MMADHC: variants seen among roughly 807,000 people sequenced by gnomAD.
MMADHC encodes cobalamin trafficking protein CblD.
A neutral mutation model predicts 36.3 loss-of-function variants in MMADHC; 23 were observed. That is an observed-to-expected ratio of 0.63 (90% CI 0.46 to 0.90). The LOEUF (loss-of-function observed/expected upper bound fraction) is 0.90. MMADHC is among the 40% of genes least tolerant of loss of function. MMADHC has a pLI of 0.00. For missense variants in MMADHC, 330 were observed against 348.0 expected (o/e 0.95, Z 0.41); for synonymous variants, 97 against 116.1 (o/e 0.84, Z 1.06).
intron 1 of MMADHC, 168 bp downstream of exon 1, chr2:149,587,496 C>A: frequency 3.6e-6 from 1 of 279,064 alleles, no homozygotes; most frequent in Non-Finnish European, 6.9e-6. Context: ...CCAAGCAAAG[C>A]TTCAGGCTGA....
intron 4 of MMADHC, among the ~76,000 whole-genome samples, chr2:149,577,731 C>T (rs1363429944): frequency 1.3e-5 from 2 of 152,028 alleles, no homozygotes; most frequent in African/African-American, 4.8e-5. Context: ...TATAAAGAAA[C>T]AGGAGTGGTC....
At chr2:149,577,406 T>C (rs544366065) in intron 4 of MMADHC, among the ~76,000 whole-genome samples, 4 of 152,116 alleles carry the variant, frequency 2.6e-5, no homozygotes, top group African/African-American at 4.8e-5. Context: ...GCAGAGGGAA[T>C]AGGAAGTAGT....
chr2:149,570,406 T>C (rs1682621926), intron 7 of MMADHC, among the ~76,000 whole-genome samples: 1 of 152,202 alleles, frequency 6.6e-6, no homozygotes, highest in Non-Finnish European at 1.5e-5. Context: ...ATGCATAATA[T>C]TGCATCCTTT....
chr2:149,570,196 A>C, intron 7 of MMADHC, 28 bp from the exon 8 acceptor site: 2 of 1,557,494 alleles, frequency 1.3e-6, no homozygotes, highest in Non-Finnish European at 1.8e-6. Context: ...AAATATTCTC[A>C]TTAGTAAGAA....
intron 4 of MMADHC, among the ~76,000 whole-genome samples, 169 bp downstream of exon 4, chr2:149,579,262 G>A (rs1351156487): frequency 6.6e-6 from 1 of 151,988 alleles, no homozygotes; most frequent in Non-Finnish European, 1.5e-5. Context: ...CAAACACTTT[G>A]TAGAGGACAA....
At chr2:149,581,582 C>A (rs945356046) in intron 3 of MMADHC, among the ~76,000 whole-genome samples, 1 of 152,138 alleles carries the variant, frequency 6.6e-6, no homozygotes, top group Non-Finnish European at 1.5e-5. Flanking sequence ...CCCCTACCCC[C>A]ACTTTTTCTT....
At chr2:149,572,759 A>G (rs1245685300) in intron 6 of MMADHC, among the ~76,000 whole-genome samples, 1 of 152,112 alleles carries the variant, frequency 6.6e-6, no homozygotes, top group Non-Finnish European at 1.5e-5. Context: ...TGCACTCATG[A>G]GGCAAGATTC....
chr2:149,587,356 T>C (rs1159764107), intron 1 of MMADHC: 1 of 563,008 alleles, frequency 1.8e-6, no homozygotes, highest in Non-Finnish European at 3.2e-6. Flanking sequence ...TCAGAGCCCT[T>C]CCGGTTTACA....
At chr2:149,571,576 C>G (rs1042125357) in intron 6 of MMADHC, among the ~76,000 whole-genome samples, 1 of 151,816 alleles carries the variant, frequency 6.6e-6, no homozygotes, top group Non-Finnish European at 1.5e-5. Flanking sequence ...GTCAGGAGAT[C>G]GAGACTATAC....
intron 2 of MMADHC, among the ~76,000 whole-genome samples, chr2:149,586,123 A>G (rs554745497): frequency 6.6e-6 from 1 of 152,304 alleles, no homozygotes; most frequent in Admixed American, 6.5e-5. Context: ...TTAATATACC[A>G]TGTTCAATTA....
chr2:149,585,993 A>G (rs1322395848), intron 2 of MMADHC, among the ~76,000 whole-genome samples: 2 of 152,186 alleles, frequency 1.3e-5, no homozygotes. Context: ...AAAGTACCAC[A>G]TACTTCTTTT....
chr2:149,574,342 T>C (rs1007742470), intron 6 of MMADHC, among the ~76,000 whole-genome samples: 2 of 152,224 alleles, frequency 1.3e-5, no homozygotes, highest in Admixed American at 1.3e-4. Context: ...ACTAATATGC[T>C]TGTGATTGTT....
chr2:149,582,233 TG>T lies in MMADHC; in HGVS notation c.47del (p.Pro16GlnfsTer6). On this transcript the variant is annotated frameshift_variant, in exon 3 of 8. Coordinates refer to ENST00000303319, the MANE Select transcript of MMADHC (RefSeq NM_015702.3). LOFTEE classifies it high-confidence loss of function. Reference sequence around the variant, plus strand: ...CCCTTTTAACTAAAGAGCAAAATCCTGGGAGATAGGAAACCAGTCTGGCTCT... The same window carrying T: ...CCCTTTTAACTAAAGAGCAAAATCCTGGAGATAGGAAACCAGTCTGGCTCT... ...CNRARLVSYL[P>X]GFCSLVKRVV... 1 of 1,613,864 alleles carries T rather than the reference TG, an allele frequency of 6.2e-7. No individual in the cohort carries two copies.
chr2:149,576,649 A>G, intron 4 of MMADHC, 107 bp from the exon 5 acceptor site: 1 of 770,308 alleles, frequency 1.3e-6, no homozygotes, highest in Non-Finnish European at 2.3e-6. Context: ...TTGTTTTTAC[A>G]AAAAATTATA....
chr2:149,581,304 T>C (rs1400766366), intron 3 of MMADHC, among the ~76,000 whole-genome samples: 1 of 152,186 alleles, frequency 6.6e-6, no homozygotes, highest in Non-Finnish European at 1.5e-5. Flanking sequence ...TTATTATAAA[T>C]ATATGGTTAG....
Position 149,575,720 on chromosome 2 carries a change from G to A in MMADHC, c.600C>T (p.Leu200=), listed in dbSNP as rs754142876. The change falls in exon 6 of 8, where the codon CTC becomes CTT. Residue 200 remains leucine, a synonymous_variant. Transcript: ENST00000303319. Reference sequence around the variant, plus strand: ...CAATTGAAAGAATTACCTTTTCTAAGAGCACTTCTCTTTCAATTTCTACTT... The same window carrying A: ...CAATTGAAAGAATTACCTTTTCTAAAAGCACTTCTCTTTCAATTTCTACTT... ...SEEVEIEREV[L]LEKFINGAKE... 1.1e-4 allele frequency: 169 copies of A among 1,598,328 alleles called. No individual in the cohort carries two copies. Among genetic ancestry groups the A allele is most frequent in the Non-Finnish European group, 1.3e-4 (155 of 1,172,056 alleles).
intron 4 of MMADHC, among the ~76,000 whole-genome samples, chr2:149,577,306 A>C (rs1682731644): frequency 6.6e-6 from 1 of 152,204 alleles, no homozygotes; most frequent in Non-Finnish European, 1.5e-5. Context: ...TTAGGAATTC[A>C]GGAGGAAAAA....
chr2:149,580,555 G>C (rs1682780194), intron 3 of MMADHC, among the ~76,000 whole-genome samples: 1 of 152,162 alleles, frequency 6.6e-6, no homozygotes, highest in Non-Finnish European at 1.5e-5. Context: ...ACTCAGAGTA[G>C]AGATCTGGGC....
At chr2:149,583,503 G>A (rs1322448195) in intron 2 of MMADHC, among the ~76,000 whole-genome samples, 3 of 152,068 alleles carry the variant, frequency 2.0e-5, no homozygotes, top group South Asian at 2.1e-4. Flanking sequence ...ATAGTAAGTC[G>A]GAATTTTAAT....
Sources: allele counts gnomAD v4.1 joint callset (sites outside exome capture counted in the v4.1 genomes callset), GRCh38; gene constraint gnomAD v4.1.1; transcripts MANE v1.5; gene names NCBI Gene and HGNC (gene_info 2026-07-23, HGNC 2026-07-21).